The following IGSF3 variants were observed in gnomAD, a reference collection of about 807,000 sequenced individuals.
The protein encoded by IGSF3 is immunoglobulin superfamily member 3.
IGSF3 carries 23 observed loss-of-function variants against 114.4 expected under a neutral mutation model. That is an observed-to-expected ratio of 0.20 (90% CI 0.14 to 0.28). The LOEUF is 0.28. Ranked by LOEUF, IGSF3 falls within the 10% of genes least tolerant of loss-of-function variation. The pLI, the probability that IGSF3 is intolerant of heterozygous loss-of-function variation, is 1.00. For missense variants in IGSF3, 1,172 were observed against 1,591.5 expected, an observed-to-expected ratio of 0.74 and a Z score of 4.48; for synonymous variants, 571 against 645.2, an observed-to-expected ratio of 0.88 and a Z score of 1.74.
chr1:116,659,810 C>A (rs554285621), intron 2 of IGSF3, among the ~76,000 whole-genome samples: 2 of 152,312 alleles, frequency 1.3e-5, no homozygotes, highest in African/African-American at 4.8e-5. Flanking sequence ...AAGATGAGGT[C>A]TTGTTATATT....
Position 116,665,341 on chromosome 1 carries a change from GAA to G in IGSF3, c.43+941_43+942del, listed in dbSNP as rs1649285859. 6.6e-6 allele frequency among the ~76,000 whole-genome samples: 1 copy of G among 152,172 alleles called. No homozygotes were observed. The highest frequency in any genetic ancestry group is 2.4e-5 in the African/African-American group (1 of 41,444). On this transcript the variant is annotated intron_variant, in intron 2 of 10. Coordinates refer to ENST00000369486, the MANE Select transcript of IGSF3 (RefSeq NM_001007237.3). The surrounding 1 kb of genome is among the most constrained non-coding windows in gnomAD (Gnocchi z 4.0). ...GTAGGCAACAATCATAATCCCTTCT[GAA>G]TGCAGAGGACCGAGCCTTACAGAGA...
At chr1:116,578,103 A>G (rs1659434435) in intron 10 of IGSF3, among the ~76,000 whole-genome samples, 1 of 152,242 alleles carries the variant, frequency 6.6e-6, no homozygotes, top group Non-Finnish European at 1.5e-5. Flanking sequence ...CCGTGGCCAC[A>G]AAGAACACAG....
In IGSF3 at chr1:116,582,300, G is replaced by A. The variant is rs188122662; in HGVS notation, c.2848+2345C>T. Among the ~76,000 whole-genome samples, 255 of 152,228 alleles carry A rather than the reference G, an allele frequency of 1.7e-3. No individual in the cohort carries two copies. Among genetic ancestry groups the A allele is most frequent in the African/African-American group, 5.7e-3 (238 of 41,516 alleles). On this transcript the variant is annotated intron_variant, in intron 9 of 10. Coordinates refer to ENST00000369486, the MANE Select transcript of IGSF3 (RefSeq NM_001007237.3). This position sits in a 1 kb window ranked among gnomAD's most constrained non-coding sequence, Gnocchi z 4.7. ...TTCCAAGTATAAGCCATGGAAAGAT[G>A]CCGACCTCTGCCCCTGCTGTCTGCG...
rs1225046446 is a variant in IGSF3 at position 116,607,550 on chromosome 1, T to C, written c.1222+392A>G. On this transcript the variant is annotated intron_variant, in intron 5 of 10. Transcript: ENST00000369486. The surrounding 1 kb of genome is among the most constrained non-coding windows in gnomAD (Gnocchi z 6.1). Reference sequence around the variant, plus strand: ...AAAGACCAACTCTCCTTAAGTGAGATTTCAAGGCAGGCATCTACCCACTTC... The same window carrying C: ...AAAGACCAACTCTCCTTAAGTGAGACTTCAAGGCAGGCATCTACCCACTTC... Among the ~76,000 whole-genome samples, 1 of 152,194 alleles carries C rather than the reference T, an allele frequency of 6.6e-6. No homozygotes were observed. Among genetic ancestry groups the C allele is most frequent in the Non-Finnish European group, 1.5e-5 (1 of 68,038 alleles).
chr1:116,616,480 C>T lies in IGSF3; in HGVS notation c.44-23G>A. ...CACCTACGAGGGAGAGAAACACACA[C>T]AACATGCTTACTTACTTCTCAGACC... On this transcript the variant is annotated intron_variant, in intron 2 of 10. Transcript: ENST00000369486. This position sits in a 1 kb window ranked among gnomAD's most constrained non-coding sequence, Gnocchi z 6.6. 2 of 1,570,150 alleles carry T rather than the reference C, an allele frequency of 1.3e-6. No homozygotes were observed. Among genetic ancestry groups the T allele is most frequent in the Non-Finnish European group, 1.7e-6 (2 of 1,153,444 alleles).
In IGSF3 at chr1:116,614,101, T is replaced by C; in HGVS notation, c.496A>G (p.Thr166Ala). 6.2e-7 allele frequency: 1 copy of C among 1,613,944 alleles called. No homozygotes were observed. The highest frequency in any genetic ancestry group is 2.2e-5 in the East Asian group (1 of 44,882). The change falls in exon 4 of 11, where the codon ACT (threonine) becomes GCT (alanine). Residue 166 changes from threonine (T) to alanine (A), a missense_variant. By Grantham distance (58) the Thr-to-Ala change is moderately conservative (BLOSUM62 0). Around this residue, in one of 3 missense-constraint regions of IGSF3, gnomAD observed 736 missense variants for 1,042.0 expected, o/e 0.71. Coordinates refer to ENST00000369486, the MANE Select transcript of IGSF3 (RefSeq NM_001007237.3). The surrounding 1 kb of genome is among the most constrained non-coding windows in gnomAD (Gnocchi z 4.5). Reference protein sequence around the residue: ...HRVEQDPLELTCEVASETIQH... With the variant: ...HRVEQDPLELACEVASETIQH... ...ATGGTCTCTGAGGCCACCTCACAAG[T>C]GAGCTCCAGCGGGTCCTGCTCCACT...
At position 116,582,507 on chromosome 1, in the gene IGSF3, A is replaced by C. The variant is rs771412357; in HGVS notation, c.2848+2138T>G. Among the ~76,000 whole-genome samples the C allele has an allele frequency of 2.0e-5, 3 of 152,178 alleles. No individual in the cohort carries two copies. Among genetic ancestry groups the C allele is most frequent in the Admixed American group, 6.5e-5 (1 of 15,278 alleles). On this transcript the variant is annotated intron_variant, in intron 9 of 10. Transcript: ENST00000369486. The surrounding 1 kb of genome is among the most constrained non-coding windows in gnomAD (Gnocchi z 4.7). ...GTATTTCAGATTATTGTGAATGTCA[A>C]CTCTCAGCAGTGGAAGGTGATTATT... is the stretch of plus-strand genomic sequence containing the variant.
Position 116,583,666 on chromosome 1 carries a change from C to T in IGSF3, c.2848+979G>A, listed in dbSNP as rs1659687836. Among the ~76,000 whole-genome samples, 1 of 152,174 alleles carries T rather than the reference C, an allele frequency of 6.6e-6. No individual in the cohort carries two copies. Among genetic ancestry groups the T allele is most frequent in the African/African-American group, 2.4e-5 (1 of 41,440 alleles). On this transcript the variant is annotated intron_variant, in intron 9 of 10. Transcript: ENST00000369486. This position sits in a 1 kb window ranked among gnomAD's most constrained non-coding sequence, Gnocchi z 4.5. ...CAAGATACTGATGGGGTCACGAATTCACTTCTCCTCCAGGTCCTTACAGGA... is the reference window on the plus strand; with the variant it reads ...CAAGATACTGATGGGGTCACGAATTTACTTCTCCTCCAGGTCCTTACAGGA...
At position 116,650,253 on chromosome 1, in the gene IGSF3, T is replaced by C. The variant is rs190591431; in HGVS notation, c.43+16031A>G. On this transcript the variant is annotated intron_variant, in intron 2 of 10. Transcript: ENST00000369486. The surrounding 1 kb of genome is among the most constrained non-coding windows in gnomAD (Gnocchi z 5.0). Reference sequence around the variant, plus strand: ...AATGTATGGAGATTGGACTGTTCAGTCTTCAGGGGCTTGGCCCTCAGGGTT... The same window carrying C: ...AATGTATGGAGATTGGACTGTTCAGCCTTCAGGGGCTTGGCCCTCAGGGTT... Among the ~76,000 whole-genome samples the C allele has an allele frequency of 9.8e-4, 150 of 152,330 alleles. 1 individual carries two copies. Among genetic ancestry groups the C allele is most frequent in the Non-Finnish European group, 1.6e-3 (111 of 68,028 alleles).
In IGSF3 at chr1:116,638,296, G is replaced by T. The variant is rs1252295985; in HGVS notation, c.44-21839C>A. Among the ~76,000 whole-genome samples, 3 of 152,078 alleles carry T rather than the reference G, an allele frequency of 2.0e-5. No homozygotes were observed. Among genetic ancestry groups the T allele is most frequent in the Non-Finnish European group, 4.4e-5 (3 of 68,012 alleles). On this transcript the variant is annotated intron_variant, in intron 2 of 10. Transcript: ENST00000369486. The surrounding 1 kb of genome is among the most constrained non-coding windows in gnomAD (Gnocchi z 4.1). ...CTTGTCAACTGCCTAATCCAGCCAC[G>T]CTGTTCTTCAATTTTAAAGGTCTTC... is the stretch of plus-strand genomic sequence containing the variant.
At chr1:116,580,145 T>C (rs1467358094) in intron 9 of IGSF3, among the ~76,000 whole-genome samples, 1 of 152,222 alleles carries the variant, frequency 6.6e-6, no homozygotes, top group Non-Finnish European at 1.5e-5. Context: ...GCATAAAATA[T>C]CTGTGGAAGA....
Position 116,624,203 on chromosome 1 carries a change from C to CAA in IGSF3, c.44-7748_44-7747dup, listed in dbSNP as rs58584252. Among the ~76,000 whole-genome samples the CAA allele has an allele frequency of 4.2e-5, 5 of 118,918 alleles. No homozygotes were observed. The highest frequency in any genetic ancestry group is 8.8e-5 in the Admixed American group (1 of 11,372). 78.0% of individuals were successfully genotyped at this position (118,918 alleles called of 152,430 possible). A position where few individuals can be genotyped will look rare whatever the true frequency, so the allele number is the denominator to read the frequency against. ...TGGGTGACAGAGCGAGATCTTGTCT[C>CAA]AAAAAAAAAAAAAAAATGGCTCTTG... On this transcript the variant is annotated intron_variant, in intron 2 of 10. Transcript: ENST00000369486. The surrounding 1 kb of genome is among the most constrained non-coding windows in gnomAD (Gnocchi z 4.9).
chr1:116,602,013 C>T (rs1023832473), intron 6 of IGSF3, among the ~76,000 whole-genome samples: 11 of 152,208 alleles, frequency 7.2e-5, no homozygotes, highest in Non-Finnish European at 2.9e-5. Context: ...AGATGGGACC[C>T]GCATCTAATT....
rs1451321232 is a variant in IGSF3 at position 116,577,266 on chromosome 1, G to A, written c.*46C>T. On this transcript the variant is annotated 3_prime_UTR_variant, in exon 11 of 11. Transcript: ENST00000369486. The surrounding 1 kb of genome is among the most constrained non-coding windows in gnomAD (Gnocchi z 5.7). ...AACTGTCCAATCACAGAGAAAGGGA[G>A]AGCCTCAGCTCCTCCGTGGCCAACA... The A allele has an allele frequency of 6.2e-7, 1 of 1,601,808 alleles. No homozygotes were observed. The highest frequency in any genetic ancestry group is 1.7e-5 in the Admixed American group (1 of 59,352).
rs1647621239 is a variant in IGSF3 at position 116,632,191 on chromosome 1, G to A, written c.44-15734C>T. ...TAATGAGGGCTCTGATGATATAGTT[G>A]TGGAGGTTATCAGTTTGCCAGAGCT... On this transcript the variant is annotated intron_variant, in intron 2 of 10. Coordinates refer to ENST00000369486, the MANE Select transcript of IGSF3 (RefSeq NM_001007237.3). The surrounding 1 kb of genome is among the most constrained non-coding windows in gnomAD (Gnocchi z 5.1). Among the ~76,000 whole-genome samples, 1 of 152,208 alleles carries A rather than the reference G, an allele frequency of 6.6e-6. No homozygotes were observed. The highest frequency in any genetic ancestry group is 1.5e-5 in the Non-Finnish European group (1 of 68,030).
At chr1:116,608,372 T>G (rs947191757) in intron 4 of IGSF3, 41 bp from the exon 5 acceptor site, 3 of 1,529,574 alleles carry the variant, frequency 2.0e-6, no homozygotes, top group African/African-American at 2.8e-5. Context: ...CCTGGGTGAA[T>G]GAGGGCCCCA....
intron 9 of IGSF3, among the ~76,000 whole-genome samples, chr1:116,581,267 A>G (rs1054869916): frequency 1.3e-5 from 2 of 151,120 alleles, no homozygotes; most frequent in African/African-American, 4.9e-5. Context: ...AGGGACCCCA[A>G]GCAGGTGAGT....
chr1:116,597,015 C>T (rs144885008), intron 7 of IGSF3, among the ~76,000 whole-genome samples: 7 of 152,330 alleles, frequency 4.6e-5, no homozygotes, highest in Admixed American at 1.3e-4. Flanking sequence ...GTAAAGGACA[C>T]GATTAACTGA....
chr1:116,599,854 C>A, intron 7 of IGSF3, 87 bp downstream of exon 7: 2 of 1,217,394 alleles, frequency 1.6e-6, no homozygotes, highest in Non-Finnish European at 2.3e-6. Flanking sequence ...GGGGAAGTGA[C>A]GCTAAGGGCT....
Sources: allele counts gnomAD v4.1 joint callset (sites outside exome capture counted in the v4.1 genomes callset), GRCh38; gene constraint gnomAD v4.1.1; regional missense constraint gnomAD v4.1.1; non-coding constraint Gnocchi (gnomAD v3.1); transcripts MANE v1.5; gene names NCBI Gene and HGNC (gene_info 2026-07-23, HGNC 2026-07-21).